Variants in MUC13 observed in about 807,000 individuals in gnomAD.
MUC13 encodes mucin 13, cell surface associated.
MUC13 carries 32 observed loss-of-function variants against 48.3 expected under a neutral mutation model. That is an observed-to-expected ratio of 0.66 (90% CI 0.50 to 0.89). MUC13 has a LOEUF of 0.89. MUC13 is among the 40% of genes least tolerant of loss of function. The pLI, the probability that MUC13 is intolerant of heterozygous loss-of-function variation, is 0.00. For missense variants in MUC13, 571 were observed against 622.8 expected (o/e 0.92, Z 0.88); for synonymous variants, 199 against 224.9 (o/e 0.88, Z 1.03).
At chr3:124,915,504 C>A (rs1935498061) in intron 6 of MUC13, among the ~76,000 whole-genome samples, 1 of 152,134 alleles carries the variant, frequency 6.6e-6, no homozygotes, top group Admixed American at 6.6e-5. Flanking sequence ...TTAAGTGAGC[C>A]CAGCAGAGAT....
In MUC13 at chr3:124,927,918, G is replaced by A; in HGVS notation, c.128C>T (p.Ala43Val). The change falls in exon 2 of 12, where the codon GCT becomes GTT. Residue 43 changes from alanine to valine, a missense_variant. Transcript: ENST00000616727. Reference sequence around the variant, plus strand: ...AGGGAAATTAGTTTCAGTGGTATCAGCTGCAGCTACTGTAGGACCACTAGT... The same window carrying A: ...AGGGAAATTAGTTTCAGTGGTATCAACTGCAGCTACTGTAGGACCACTAGT... Reference protein sequence around the residue: ...TATSGPTVAAADTTETNFPET... With the variant: ...TATSGPTVAAVDTTETNFPET... 1.2e-6 allele frequency: 2 copies of A among 1,608,684 alleles called. No individual in the cohort carries two copies. Among genetic ancestry groups the A allele is most frequent in the Non-Finnish European group, 8.5e-7 (1 of 1,177,468 alleles).
chr3:124,922,667 C>T (rs916441171), intron 3 of MUC13, among the ~76,000 whole-genome samples: 2 of 638 alleles, frequency 3.1e-3, no homozygotes, highest in East Asian at 0.033. Context: ...AGTGCAGTGG[C>T]ACAACTGGGT....
chr3:124,921,960 A>G (rs183265204), intron 4 of MUC13, among the ~76,000 whole-genome samples: 150 of 152,352 alleles, frequency 9.8e-4, no homozygotes, highest in African/African-American at 3.5e-3. Context: ...CTCCAGGTGC[A>G]AGACCATGGG....
chr3:124,920,223 A>G lies in MUC13; in HGVS notation c.800+11T>C. The G allele has an allele frequency of 1.2e-6, 2 of 1,601,698 alleles. No individual in the cohort carries two copies. The highest frequency in any genetic ancestry group is 4.5e-5 in the East Asian group (2 of 44,776). ...CACATCTGCCTCCAAAATTGTCCAT[A>G]ACAAACTTACCTTACAGTAAGAATT... is the stretch of plus-strand genomic sequence containing the variant. On this transcript the variant is annotated intron_variant, in intron 5 of 11. Transcript: ENST00000616727.
At chr3:124,908,401 G>T in intron 10 of MUC13, 53 bp from the exon 11 acceptor site, 1 of 1,363,880 alleles carries the variant, frequency 7.3e-7, no homozygotes, top group Non-Finnish European at 1.0e-6. Flanking sequence ...GTTTCTTGAA[G>T]TAAATGTTAA....
chr3:124,923,047 T>C (rs1205157650), intron 3 of MUC13, among the ~76,000 whole-genome samples: 1 of 151,772 alleles, frequency 6.6e-6, no homozygotes, highest in Non-Finnish European at 1.5e-5. Context: ...AATGCATTCA[T>C]TTCTTATAGA....
intron 1 of MUC13, 77 bp from the exon 2 acceptor site, chr3:124,928,070 A>T (rs1935728409): frequency 4.9e-6 from 5 of 1,022,616 alleles, no homozygotes; most frequent in South Asian, 3.5e-5. Flanking sequence ...ACTAAATCAT[A>T]TCCAACTCAT....
chr3:124,926,255 T>C (rs1935685233), intron 2 of MUC13, among the ~76,000 whole-genome samples: 1 of 152,204 alleles, frequency 6.6e-6, no homozygotes, highest in South Asian at 2.1e-4. Context: ...GGGGGCTTTT[T>C]AGTTCAGTCT....
Position 124,927,719 on chromosome 3 carries a change from G to A in MUC13, c.327C>T (p.Thr109=), listed in dbSNP as rs1935714606. Residue 109 remains threonine, a synonymous_variant, in exon 2 of 12, where the codon ACC becomes ACT. Coordinates refer to ENST00000616727, the MANE Select transcript of MUC13 (RefSeq NM_033049.4). ...PIPTAADSES[T]TNVNSLATSD... ...AGGTAGCTAATGAATTTACATTTGT[G>A]GTTGACTCACTGTCTGCAGCAGTAG... 1 of 1,614,028 alleles carries A rather than the reference G, an allele frequency of 6.2e-7. No individual in the cohort carries two copies. Among genetic ancestry groups the A allele is most frequent in the South Asian group, 1.1e-5 (1 of 91,074 alleles).
chr3:124,909,474 G>A (rs1325611365), intron 10 of MUC13, among the ~76,000 whole-genome samples: 1 of 124,150 alleles, frequency 8.1e-6, no homozygotes, highest in Non-Finnish European at 1.7e-5. Context: ...GAGATGACAC[G>A]TGTGTGCTTG....
chr3:124,927,211 A>G (rs1935703761), intron 2 of MUC13, among the ~76,000 whole-genome samples: 2 of 152,118 alleles, frequency 1.3e-5, no homozygotes, highest in African/African-American at 4.8e-5. Flanking sequence ...AGCTGAAACT[A>G]TTTCTAAAAA....
At chr3:124,910,786 G>T (rs1935408393) in intron 9 of MUC13, among the ~76,000 whole-genome samples, 1 of 152,196 alleles carries the variant, frequency 6.6e-6, no homozygotes, top group East Asian at 1.9e-4. Context: ...GGGGAGTGGA[G>T]TATCAGCTGA....
chr3:124,931,444 A>G (rs1430695325), intron 1 of MUC13, among the ~76,000 whole-genome samples: 7 of 150,548 alleles, frequency 4.6e-5, no homozygotes, highest in African/African-American at 1.2e-4. Context: ...AAAAAAAAAA[A>G]GCAACTTTTT....
rs1935396553 is a variant in MUC13, at chr3:124,910,277, TA to T, written c.1337+137del. 10 of 1,202,622 alleles carry T rather than the reference TA, an allele frequency of 8.3e-6. No homozygotes were observed. In the South Asian group the frequency reaches 1.6e-4, roughly 19 times the overall value. 74.5% of individuals were successfully genotyped at this position (1,202,622 alleles called of 1,614,324 possible). On this transcript the variant is annotated intron_variant, in intron 10 of 11. Transcript: ENST00000616727. The stretch of plus-strand genomic sequence containing the variant: ...TGGCAGGTGTGATGGCTCATGCCTG[TA>T]ATCCCAGCACTTTGGGAGGCCAAGG...
At chr3:124,910,599 C>A in intron 9 of MUC13, 100 bp from the exon 10 acceptor site, 1 of 1,520,798 alleles carries the variant, frequency 6.6e-7, no homozygotes, top group South Asian at 1.2e-5. Context: ...GCTGTGAAGA[C>A]GATCAGGTTC....
Position 124,913,138 on chromosome 3 carries a change from T to C in MUC13, c.1187A>G (p.Gln396Arg). The C allele has an allele frequency of 6.2e-7, 1 of 1,614,074 alleles. No individual in the cohort carries two copies. Among genetic ancestry groups the C allele is most frequent in the Non-Finnish European group, 8.5e-7 (1 of 1,179,992 alleles). ...APECACVPGYQEDANGNCQKC... is the reference protein window; with the variant it reads ...APECACVPGYREDANGNCQKC... ...TTGGCAGTTCCCATTAGCATCTTCC[T>C]GGTAGCCGGGCACGCACGCACACTC... The change falls in exon 8 of 12, where the codon CAG becomes CGG. Residue 396 changes from glutamine (Q) to arginine (R), a missense_variant. Transcript: ENST00000616727.
At chr3:124,931,745 T>C (rs1935802319) in intron 1 of MUC13, among the ~76,000 whole-genome samples, 1 of 131,858 alleles carries the variant, frequency 7.6e-6, no homozygotes. Flanking sequence ...CAAAACTCCA[T>C]CTCAAAAAGT....
intron 1 of MUC13, 40 bp downstream of exon 1, chr3:124,934,614 GACAACAT>G: frequency 7.3e-7 from 1 of 1,366,362 alleles, no homozygotes; most frequent in Non-Finnish European, 1.0e-6. Context: ...CTACCTCAAA[GACAACAT>G]ACATGATTGG....
intron 11 of MUC13, among the ~76,000 whole-genome samples, chr3:124,907,579 C>T (rs772251954): frequency 3.9e-5 from 6 of 152,104 alleles, no homozygotes; most frequent in Admixed American, 1.3e-4. Flanking sequence ...GATCGTACCA[C>T]TGGACTCAAG....
Sources: allele counts gnomAD v4.1 joint callset (sites outside exome capture counted in the v4.1 genomes callset), GRCh38; gene constraint gnomAD v4.1.1; transcripts MANE v1.5; gene names NCBI Gene and HGNC (gene_info 2026-07-23, HGNC 2026-07-21).